The following DMD variants were observed in gnomAD, a reference collection of about 807,000 sequenced individuals.
The protein encoded by DMD is dystrophin, also known as mutant dystrophin.
A neutral mutation model predicts 330.1 loss-of-function variants in DMD; 63 were observed. That is an observed-to-expected ratio of 0.19 (90% CI 0.16 to 0.24). The LOEUF (loss-of-function observed/expected upper bound fraction) is 0.24. Among genes scored for constraint, DMD ranks in the 10% least tolerant of loss-of-function variants. The pLI is 1.00. For missense variants in DMD, 3,344 were observed against 2,684.1 expected (o/e 1.25, Z -5.43); for synonymous variants, 1,223 against 959.8 (o/e 1.27, Z -5.07).
intron 6 of DMD, among the ~76,000 whole-genome samples, chrX:32,814,029 C>A (rs2077552348): frequency 9.0e-6 from 1 of 111,057 alleles, no homozygotes; most frequent in Non-Finnish European, 1.9e-5. Context: ...CCAGCAGGAA[C>A]CAAAGTACAA....
intron 44 of DMD, among the ~76,000 whole-genome samples, chrX:31,984,709 C>A (rs1327466752): frequency 8.9e-6 from 1 of 112,126 alleles, no homozygotes; most frequent in Non-Finnish European, 1.9e-5. Context: ...TTATGTAATT[C>A]AAGTTATGTA....
intron 51 of DMD, among the ~76,000 whole-genome samples, chrX:31,751,147 T>C (rs1394183854): frequency 9.2e-6 from 1 of 108,345 alleles, no homozygotes; most frequent in Non-Finnish European, 1.9e-5. Flanking sequence ...AAAAAACTAC[T>C]TTAAAGTTCA....
chrX:32,594,082 A>C (rs1268527705), intron 13 of DMD, among the ~76,000 whole-genome samples: 2 of 112,721 alleles, frequency 1.8e-5, no homozygotes, highest in Non-Finnish European at 3.7e-5. Context: ...GAAGACTCTA[A>C]AGGTATTTTA....
At chrX:33,027,465 A>G (rs1291564342) in intron 1 of DMD, among the ~76,000 whole-genome samples, 2 of 112,528 alleles carry the variant, frequency 1.8e-5, no homozygotes, top group Non-Finnish European at 3.7e-5. Context: ...CTGTCTGAGA[A>G]TAAATGTATA....
chrX:32,201,969 G>A (rs772965057), intron 44 of DMD, among the ~76,000 whole-genome samples: 34 of 111,691 alleles, frequency 3.0e-4, no homozygotes, highest in African/African-American at 1.1e-3. Flanking sequence ...TTTAATTCAG[G>A]GATATCACTA....
chrX:31,185,059 A>G (rs2041624190), intron 67 of DMD, among the ~76,000 whole-genome samples: 1 of 106,867 alleles, frequency 9.4e-6, no homozygotes, highest in Non-Finnish European at 1.9e-5. Flanking sequence ...GCACATGTAT[A>G]CATATGTAAC....
rs374298104 is a variant in DMD at position 31,341,891 on chromosome X, G to GCGCGCGCGCA, written c.9163+6664_9163+6665insTGCGCGCGCG. 1.0e-3 allele frequency among the ~76,000 whole-genome samples: 99 copies of GCGCGCGCGCA among 98,892 alleles called. No homozygotes were observed. The Middle Eastern group carries it at 0.016, about 16-fold the overall frequency. 85.9% of individuals were successfully genotyped at this position (98,892 alleles called of 115,157 possible). Reference sequence around the variant, plus strand: ...GGCGTGCGCGCGTGCGTGCGCGCGCGCACACACACACACACACACACACAC... The same window carrying GCGCGCGCGCA: ...GGCGTGCGCGCGTGCGTGCGCGCGCGCGCGCGCGCACACACACACACACACACACACACAC... On this transcript the variant is annotated intron_variant, in intron 61 of 78. Transcript: ENST00000357033.
At chrX:33,281,232 G>A (rs748150759) in intron 1 of DMD, among the ~76,000 whole-genome samples, 8 of 93,185 alleles carry the variant, frequency 8.6e-5, no homozygotes, top group East Asian at 7.5e-4. Flanking sequence ...TTTTTGAGAC[G>A]GAGTCTCACT....
At chrX:33,249,797 T>C (rs2052738935) in intron 1 of DMD, among the ~76,000 whole-genome samples, 1 of 110,639 alleles carries the variant, frequency 9.0e-6, no homozygotes, top group African/African-American at 3.3e-5. Flanking sequence ...CACACACATA[T>C]TATTCCTAAA....
intron 55 of DMD, among the ~76,000 whole-genome samples, chrX:31,608,061 A>G: frequency 8.9e-6 from 1 of 111,894 alleles, no homozygotes; most frequent in South Asian, 3.7e-4. Flanking sequence ...CAAATTGGAA[A>G]GGAATTTTGT....
intron 1 of DMD, among the ~76,000 whole-genome samples, chrX:33,181,115 G>A (rs1298946170): frequency 9.0e-6 from 1 of 110,787 alleles, no homozygotes; most frequent in Admixed American, 9.6e-5. Context: ...AGAGACCTAG[G>A]TTCTAATGAT....
chrX:32,657,002 C>T (rs1244234862), intron 9 of DMD, among the ~76,000 whole-genome samples: 1 of 99,004 alleles, frequency 1.0e-5, no homozygotes, highest in Non-Finnish European at 2.0e-5. Flanking sequence ...ATATAGTATA[C>T]CAACTTATAT....
At chrX:32,845,819 CT>C (rs1397185031) in intron 3 of DMD, among the ~76,000 whole-genome samples, 1 of 112,355 alleles carries the variant, frequency 8.9e-6, no homozygotes, top group Non-Finnish European at 1.9e-5. Context: ...GTTTTCTCAT[CT>C]GTTAAAAATG....
At chrX:31,468,777 A>G (rs978725716) in intron 59 of DMD, among the ~76,000 whole-genome samples, 4 of 111,408 alleles carry the variant, frequency 3.6e-5, no homozygotes, top group African/African-American at 1.3e-4. Flanking sequence ...AAAATCTCCC[A>G]CTATTATTGT....
intron 2 of DMD, among the ~76,000 whole-genome samples, chrX:32,854,910 T>C (rs772430511): frequency 9.0e-6 from 1 of 111,615 alleles, no homozygotes; most frequent in African/African-American, 3.2e-5. Context: ...CTCTGACAAA[T>C]ACTGATACAA....
chrX:31,908,104 C>T (rs1023654976), intron 47 of DMD, among the ~76,000 whole-genome samples: 1 of 112,112 alleles, frequency 8.9e-6, no homozygotes, highest in Non-Finnish European at 1.9e-5. Flanking sequence ...GGAACACTTT[C>T]ACACCGTTGG....
At chrX:33,339,328 A>G (rs1477968921) in exon 1 of DMD, 2 of 984,234 alleles carry the variant, frequency 2.0e-6, no homozygotes, top group African/African-American at 3.9e-5. Flanking sequence ...AAATCAAGAT[A>G]GTGCAAAACA....
intron 49 of DMD, among the ~76,000 whole-genome samples, chrX:31,835,184 T>C (rs1457694497): frequency 8.9e-6 from 1 of 112,028 alleles, no homozygotes; most frequent in Non-Finnish European, 1.9e-5. Flanking sequence ...TCTCTCTCTT[T>C]TACAAAGGCA....
chrX:31,320,916 T>C (rs1408469075), intron 62 of DMD, among the ~76,000 whole-genome samples: 1 of 111,397 alleles, frequency 9.0e-6, no homozygotes, highest in Non-Finnish European at 1.9e-5. Context: ...AAGGTCTCCA[T>C]ACTCACCTTT....
Sources: allele counts gnomAD v4.1 joint callset (sites outside exome capture counted in the v4.1 genomes callset), GRCh38; gene constraint gnomAD v4.1.1; transcripts MANE v1.5; gene names NCBI Gene and HGNC (gene_info 2026-07-23, HGNC 2026-07-21).